TPP2: variants seen among roughly 807,000 people sequenced by gnomAD.
TPP2 encodes the protein tripeptidyl-peptidase 2.
Under a neutral mutation model 155.9 loss-of-function variants are expected in TPP2, and 34 were observed. The ratio of observed to expected loss-of-function variants is 0.22; its 90% CI spans 0.17 to 0.29. The LOEUF (loss-of-function observed/expected upper bound fraction) is 0.29. TPP2 is among the 10% of genes least tolerant of loss of function. The pLI is 1.00. For synonymous variants in TPP2, 510 were observed against 529.4 expected, an observed-to-expected ratio of 0.96 and a Z score of 0.50; for missense variants, 1,028 against 1,522.3, an observed-to-expected ratio of 0.68 and a Z score of 5.40.
At chr13:102,656,951 C>A in intron 24 of TPP2, 105 bp from the exon 25 acceptor site, 1 of 1,243,072 alleles carries the variant, frequency 8.0e-7, no homozygotes, top group Non-Finnish European at 1.1e-6. Context: ...CAGTGTAGTA[C>A]AACTTAGGTG....
rs565042933 is a variant in TPP2, at chr13:102,649,171, A to C, written c.2873+20A>C. On this transcript the variant is annotated intron_variant, in intron 22 of 29. Coordinates refer to ENST00000376052, the MANE Select transcript of TPP2 (RefSeq NM_001330588.2). ...TGATAAGTAAGTGATAACATTGCTT[A>C]TACTTACTGCCCATCGTATACACTG... is the stretch of plus-strand genomic sequence containing the variant. The C allele has an allele frequency of 7.6e-6, 12 of 1,584,874 alleles. No individual in the cohort carries two copies. Among genetic ancestry groups the C allele is most frequent in the Non-Finnish European group, 1.0e-5 (12 of 1,166,812 alleles).
chr13:102,662,036 G>A (rs942482286), intron 25 of TPP2, among the ~76,000 whole-genome samples: 1 of 152,158 alleles, frequency 6.6e-6, no homozygotes, highest in African/African-American at 2.4e-5. Context: ...GCTGATGAAT[G>A]GACAAACAAA....
intron 21 of TPP2, among the ~76,000 whole-genome samples, chr13:102,648,434 GT>G (rs1883276972): frequency 2.4e-4 from 9 of 38,050 alleles, no homozygotes; most frequent in Admixed American, 1.5e-3. Context: ...TTACACGTGT[GT>G]GTGTGTGTGT....
rs186347780 is a variant in TPP2 at position 102,651,929 on chromosome 13, G to A, written c.2991+532G>A. Among the ~76,000 whole-genome samples, 601 of 152,254 alleles carry A rather than the reference G, an allele frequency of 3.9e-3. 2 individuals are homozygous for A. The highest frequency in any genetic ancestry group is 6.8e-3 in the Middle Eastern group (2 of 294). ...TGGATGTAGCAGGAACAGAAATAAG[G>A]ACTGTTCACTGACAATTAAAGCTTA... On this transcript the variant is annotated intron_variant, in intron 24 of 29. Transcript: ENST00000376052.
chr13:102,645,081 G>T, intron 19 of TPP2, 72 bp downstream of exon 19: 1 of 1,380,862 alleles, frequency 7.2e-7, no homozygotes, highest in Non-Finnish European at 9.7e-7. Flanking sequence ...TCTTAAAAAA[G>T]GGCCTTTTTT....
At chr13:102,624,189 A>G (rs901403762) in intron 6 of TPP2, among the ~76,000 whole-genome samples, 115 of 152,334 alleles carry the variant, frequency 7.5e-4, no homozygotes, top group Non-Finnish European at 7.3e-5. Flanking sequence ...ATGTGTGTTT[A>G]TATCGTGAAA....
intron 1 of TPP2, among the ~76,000 whole-genome samples, chr13:102,601,830 TTATC>T (rs563902417): frequency 1.3e-3 from 193 of 152,350 alleles, no homozygotes; most frequent in African/African-American, 4.5e-3. Flanking sequence ...GTGGTTTTCT[TTATC>T]TAATATTAAA....
chr13:102,635,589 C>T lies in TPP2; in HGVS notation c.1396C>T (p.Leu466=), dbSNP rs754050030. 1 of 1,610,756 alleles carries T rather than the reference C, an allele frequency of 6.2e-7. No homozygotes were observed. The highest frequency in any genetic ancestry group is 8.5e-7 in the Non-Finnish European group (1 of 1,179,040). The change falls in exon 12 of 30, where the codon CTG becomes TTG. Residue 466 remains leucine (L), a splice_region_variant and synonymous_variant. Coordinates refer to ENST00000376052, the MANE Select transcript of TPP2 (RefSeq NM_001330588.2). ...CGGIALILSG[L]KANNIDYTVH... ...TTGTTTTTGTTTCTTAATTTTAGGT[C>T]TGAAAGCTAATAACATTGACTACAC...
chr13:102,632,243 C>CA (rs1882065537), intron 10 of TPP2, among the ~76,000 whole-genome samples: 1 of 146,810 alleles, frequency 6.8e-6, no homozygotes, highest in Admixed American at 6.8e-5. Flanking sequence ...TTTCATGAGA[C>CA]TTTTTTTTTT....
At chr13:102,664,765 A>G (rs1283596561) in intron 26 of TPP2, 30 bp from the exon 27 acceptor site, 7 of 1,603,424 alleles carry the variant, frequency 4.4e-6, no homozygotes, top group African/African-American at 2.7e-5. Flanking sequence ...TGATATACCT[A>G]TTTTTTATTA....
In TPP2 at chr13:102,601,030, A is replaced by G. The variant is rs139178504; in HGVS notation, c.166-3763A>G. ...CTCAGCCACTGCAGTAGCTGGGACC[A>G]TAAGCATGTGCCACCATACCCAGCT... On this transcript the variant is annotated intron_variant, in intron 1 of 29. Coordinates refer to ENST00000376052, the MANE Select transcript of TPP2 (RefSeq NM_001330588.2). Among the ~76,000 whole-genome samples, 1,324 of 152,210 alleles carry G rather than the reference A, an allele frequency of 8.7e-3. 17 individuals carry two copies. Among genetic ancestry groups the G allele is most frequent in the African/African-American group, 0.03 (1,258 of 41,524 alleles).
intron 19 of TPP2, 29 bp from the exon 20 acceptor site, chr13:102,646,265 A>C: frequency 6.4e-7 from 1 of 1,568,036 alleles, no homozygotes; most frequent in Non-Finnish European, 8.7e-7. Flanking sequence ...CTCTTGAATC[A>C]AACCAGTTAT....
At position 102,620,355 on chromosome 13, in the gene TPP2, A is replaced by T. The variant is rs571625033; in HGVS notation, c.620+1509A>T. ...TCAGAATAACATTTTAGAACATTTTATTATAATAAATGAATATAGCATAAT... is the reference window on the plus strand; with the variant it reads ...TCAGAATAACATTTTAGAACATTTTTTTATAATAAATGAATATAGCATAAT... On this transcript the variant is annotated intron_variant, in intron 5 of 29. Transcript: ENST00000376052. Among the ~76,000 whole-genome samples, 3 of 152,374 alleles carry T rather than the reference A, an allele frequency of 2.0e-5. No individual in the cohort carries two copies. In the South Asian group the frequency reaches 6.2e-4, roughly 32 times the overall value.
intron 25 of TPP2, among the ~76,000 whole-genome samples, chr13:102,660,246 A>G (rs557024084): frequency 2.0e-5 from 3 of 152,268 alleles, no homozygotes; most frequent in Non-Finnish European, 4.4e-5. Flanking sequence ...GTTCATTTAA[A>G]AATATTCACT....
chr13:102,640,813 G>A (rs1882715296), intron 16 of TPP2, among the ~76,000 whole-genome samples: 1 of 151,886 alleles, frequency 6.6e-6, no homozygotes, highest in Non-Finnish European at 1.5e-5. Flanking sequence ...TACCACGCCA[G>A]GCTATTTTTT....
intron 23 of TPP2, among the ~76,000 whole-genome samples, chr13:102,649,789 A>C (rs188180466): frequency 5.6e-4 from 85 of 151,800 alleles, no homozygotes; most frequent in African/African-American, 2.0e-3. Context: ...TGTAAATACA[A>C]ATCAAACTTG....
intron 1 of TPP2, 35 bp downstream of exon 1, chr13:102,597,238 G>C: frequency 7.9e-7 from 1 of 1,264,490 alleles, no homozygotes; most frequent in Non-Finnish European, 1.0e-6. Flanking sequence ...GCGCGGGGGC[G>C]CGGGCGGCCG....
chr13:102,607,909 C>A, intron 2 of TPP2: 1 of 183,040 alleles, frequency 5.5e-6, no homozygotes, highest in Non-Finnish European at 1.2e-5. Context: ...TTTTAAATAG[C>A]TGCAGTAATC....
chr13:102,636,204 A>G lies in TPP2; in HGVS notation c.1510-20A>G, dbSNP rs1457319145. 1.9e-6 allele frequency: 3 copies of G among 1,582,636 alleles called. No homozygotes were observed. Among genetic ancestry groups the G allele is most frequent in the South Asian group, 2.3e-5 (2 of 85,636 alleles). ...TTGACCCAACCATTTATATCTTACC[A>G]TGTATATTATTTTCACTAGGTTGAT... On this transcript the variant is annotated intron_variant, in intron 12 of 29. Coordinates refer to ENST00000376052, the MANE Select transcript of TPP2 (RefSeq NM_001330588.2).
Sources: allele counts gnomAD v4.1 joint callset (sites outside exome capture counted in the v4.1 genomes callset), GRCh38; gene constraint gnomAD v4.1.1; transcripts MANE v1.5; gene names NCBI Gene and HGNC (gene_info 2026-07-23, HGNC 2026-07-21).